Variants in FAT2 observed in about 807,000 individuals in gnomAD.
FAT2 encodes protocadherin Fat 2.
A neutral mutation model predicts 295.3 loss-of-function variants in FAT2; 150 were observed. The observed-to-expected ratio is 0.51, with a 90% CI of 0.44 to 0.58. The LOEUF is 0.58. FAT2 is among the 20% of genes least tolerant of loss of function. FAT2 has a pLI of 0.00. For missense variants in FAT2, 4,868 were observed against 5,442.7 expected, an observed-to-expected ratio of 0.89 and a Z score of 3.32; for synonymous variants, 2,026 against 2,150.3, an observed-to-expected ratio of 0.94 and a Z score of 1.60.
At chr5:151,593,549 C>G (rs1051491193), upstream of FAT2, among the ~76,000 whole-genome samples, 1 of 152,182 alleles carries the variant, frequency 6.6e-6, no homozygotes. Flanking sequence ...AAATTGACTC[C>G]TAGTGCCCTC....
chr5:151,538,215 G>A (rs374643495), intron 11 of FAT2, among the ~76,000 whole-genome samples: 1 of 152,330 alleles, frequency 6.6e-6, no homozygotes, highest in South Asian at 2.1e-4. Flanking sequence ...GAACGAGTCA[G>A]AAAAGAGAGA....
At chr5:151,513,378 T>C (rs1752511519) in intron 20 of FAT2, among the ~76,000 whole-genome samples, 1 of 151,960 alleles carries the variant, frequency 6.6e-6, no homozygotes, top group African/African-American at 2.4e-5. Flanking sequence ...ATAAAGAAAA[T>C]ATGGTACAGA....
rs1760940102 is a variant in FAT2, at chr5:151,507,039, C to A, written c.12517+115G>T. On this transcript the variant is annotated intron_variant, in intron 23 of 23. Transcript: ENST00000261800. Reference sequence around the variant, plus strand: ...TGAACACATCTCATCATGTCCCATCCCAAAGGGTTGGATGCGTGGTAGCTA... The same window carrying A: ...TGAACACATCTCATCATGTCCCATCACAAAGGGTTGGATGCGTGGTAGCTA... 8 of 895,176 alleles carry A rather than the reference C, an allele frequency of 8.9e-6. No individual in the cohort carries two copies. In the South Asian group the frequency reaches 1.4e-4, roughly 15 times the overall value. The allele number at this position is 895,176 out of a possible 1,614,324, so 55.5% of individuals were successfully genotyped here. A position where few individuals can be genotyped will look rare whatever the true frequency, so the allele number is the denominator to read the frequency against.
intron 3 of FAT2, among the ~76,000 whole-genome samples, chr5:151,556,871 A>G (rs895725948): frequency 6.6e-6 from 1 of 152,148 alleles, no homozygotes; most frequent in African/African-American, 2.4e-5. Flanking sequence ...TGATGGATCT[A>G]TTGGAATATG....
rs907265219 is a variant in FAT2 at position 151,570,350 on chromosome 5, T to A, written c.-20-1399A>T. Reference sequence around the variant, plus strand: ...GGACATTAGAGATGATGGGCTTCTGTCCCTGCTTTTCATCATAGATGAGTA... The same window carrying A: ...GGACATTAGAGATGATGGGCTTCTGACCCTGCTTTTCATCATAGATGAGTA... On this transcript the variant is annotated intron_variant, in intron 1 of 23. Coordinates refer to ENST00000261800, the MANE Select transcript of FAT2 (RefSeq NM_001447.3). Among the ~76,000 whole-genome samples the A allele has an allele frequency of 6.6e-5, 10 of 152,334 alleles. No homozygotes were observed. The South Asian group carries it at 2.1e-3, about 32-fold the overall frequency.
At chr5:151,557,895 C>G (rs543210042) in intron 3 of FAT2, among the ~76,000 whole-genome samples, 1 of 152,270 alleles carries the variant, frequency 6.6e-6, no homozygotes, top group South Asian at 2.1e-4. Flanking sequence ...CAGCCTCTCC[C>G]TTCCCCTCCT....
chr5:151,554,277 G>T, intron 5 of FAT2, 85 bp downstream of exon 5: 1 of 1,257,614 alleles, frequency 8.0e-7, no homozygotes, highest in Non-Finnish European at 1.1e-6. Flanking sequence ...ATGCTGGTGG[G>T]CTGTCTCCCT....
At position 151,521,876 on chromosome 5, in the gene FAT2, TCTC is replaced by T. The variant is rs1753499001; in HGVS notation, c.10714_10716del (p.Glu3572del). ...CCCACTGAGAAGTGCCTGCCCAGGG[TCTC>T]CTCTTCTGCCAGGCTATAGGTCAGC... is the stretch of plus-strand genomic sequence containing the variant. On this transcript the variant is annotated inframe_deletion, in exon 19 of 24. Coordinates refer to ENST00000261800, the MANE Select transcript of FAT2 (RefSeq NM_001447.3). 1 of 1,613,470 alleles carries T rather than the reference TCTC, an allele frequency of 6.2e-7. No homozygotes were observed. Among genetic ancestry groups the T allele is most frequent in the Non-Finnish European group, 8.5e-7 (1 of 1,179,872 alleles).
Position 151,543,360 on chromosome 5 carries a change from C to G in FAT2, c.7767G>C (p.Glu2589Asp). The G allele has an allele frequency of 6.2e-7, 1 of 1,614,212 alleles. No homozygotes were observed. Among genetic ancestry groups the G allele is most frequent in the East Asian group, 2.2e-5 (1 of 44,890 alleles). Residue 2589 changes from glutamate to aspartate, a missense_variant, in exon 10 of 24, where the codon GAG becomes GAC. Coordinates refer to ENST00000261800, the MANE Select transcript of FAT2 (RefSeq NM_001447.3). ...CATTGGATTGAATGGATACTGTGTA[C>G]TCAGATGCTTTGAACTGTGGGGGGT... ...NDNPPQFKAS[E>D]YTVSIQSNVS...
chr5:151,545,178 G>A lies in FAT2; in HGVS notation c.5949C>T (p.Asp1983=), dbSNP rs1430823700. 6.2e-7 allele frequency: 1 copy of A among 1,614,192 alleles called. No homozygotes were observed. Among genetic ancestry groups the A allele is most frequent in the Non-Finnish European group, 8.5e-7 (1 of 1,180,028 alleles). ...CACCAAGAATCACCAGTGCCTTTCT[G>A]TCCTGCAAGTTCTCCTTCACAGCTG... ...YWAAVKENLQ[D]RKALVILGAQ... is the part of the protein sequence containing the mutation. Residue 1983 remains aspartate, a synonymous_variant, in exon 10 of 24, where the codon GAC becomes GAT. Transcript: ENST00000261800.
chr5:151,546,406 A>G (rs754482432), intron 9 of FAT2, 69 bp from the exon 10 acceptor site: 27 of 1,212,500 alleles, frequency 2.2e-5, no homozygotes, highest in Non-Finnish European at 3.0e-5. Flanking sequence ...TTTCTAGATC[A>G]GTAAAGGGTC....
At chr5:151,577,439 C>T (rs1758787545) in intron 1 of FAT2, among the ~76,000 whole-genome samples, 5 of 152,186 alleles carry the variant, frequency 3.3e-5, no homozygotes, top group Admixed American at 3.3e-4. Context: ...GGTTTCTGCT[C>T]TTGTGGGTAC....
At chr5:151,564,046 T>G (rs148219952) in intron 2 of FAT2, among the ~76,000 whole-genome samples, 1,651 of 152,372 alleles carry the variant, frequency 0.011, 11 homozygotes, top group Non-Finnish European at 0.015. Context: ...TCCTGGTAGA[T>G]AATCAATTTC....
At chr5:151,515,818 G>A (rs1462711910) in intron 20 of FAT2, among the ~76,000 whole-genome samples, 2 of 152,134 alleles carry the variant, frequency 1.3e-5, no homozygotes, top group Non-Finnish European at 2.9e-5. Context: ...CTCTAAAGTC[G>A]ATTCTCAACA....
chr5:151,522,399 T>C (rs1753565079), intron 18 of FAT2, among the ~76,000 whole-genome samples: 1 of 152,242 alleles, frequency 6.6e-6, no homozygotes, highest in East Asian at 1.9e-4. Flanking sequence ...AGACTTGGGC[T>C]AACTTCCTCA....
chr5:151,571,178 A>G (rs61351310), intron 1 of FAT2, among the ~76,000 whole-genome samples: 7,444 of 151,738 alleles, frequency 0.049, 249 homozygotes, highest in East Asian at 0.094. Flanking sequence ...GCTGCAGCCC[A>G]TAGTGGGGCC....
rs533306540 is a variant in FAT2, at chr5:151,533,823, C to T, written c.9427+586G>A. Among the ~76,000 whole-genome samples, 548 of 151,760 alleles carry T rather than the reference C, an allele frequency of 3.6e-3. 6 individuals are homozygous for T. The highest frequency in any genetic ancestry group is 0.013 in the African/African-American group (526 of 41,362). On this transcript the variant is annotated intron_variant, in intron 13 of 23. Coordinates refer to ENST00000261800, the MANE Select transcript of FAT2 (RefSeq NM_001447.3). ...ATACATGCAGGTATGTATATACAATCAGAATAGAACACTTTGTGGTAGCAT... is the reference window on the plus strand; with the variant it reads ...ATACATGCAGGTATGTATATACAATTAGAATAGAACACTTTGTGGTAGCAT...
intron 11 of FAT2, 75 bp from the exon 12 acceptor site, chr5:151,538,021 C>T: frequency 2.2e-6 from 3 of 1,362,430 alleles, no homozygotes; most frequent in Non-Finnish European, 3.0e-6. Flanking sequence ...GAGTGACTGA[C>T]TGAGGGAGGC....
chr5:151,530,589 G>A (rs1035929874), intron 14 of FAT2, among the ~76,000 whole-genome samples: 3 of 152,246 alleles, frequency 2.0e-5, no homozygotes, highest in Non-Finnish European at 4.4e-5. Flanking sequence ...GTATGTAGAT[G>A]TTTTGGGGAT....
Sources: gnomAD v4.1 joint callset for allele counts (sites outside exome capture counted in the v4.1 genomes callset) on GRCh38, gnomAD v4.1.1 for gene constraint, MANE v1.5 for transcripts, NCBI Gene and HGNC (gene_info 2026-07-23, HGNC 2026-07-21) for gene names.